Variants in SCN8A observed in about 807,000 individuals in gnomAD.
The protein encoded by SCN8A is sodium voltage-gated channel alpha subunit 8, also known as sodium channel protein type 8 subunit alpha.
SCN8A carries 30 observed loss-of-function variants against 184.1 expected under a neutral mutation model. That is an observed-to-expected ratio of 0.16 (90% CI 0.12 to 0.22). The LOEUF is 0.22. SCN8A is among the 10% of genes least tolerant of loss of function. The pLI is 1.00. For missense variants in SCN8A, 1,057 were observed against 2,498.9 expected (o/e 0.42, Z 12.30); for synonymous variants, 852 against 907.0 (o/e 0.94, Z 1.09).
intron 2 of SCN8A, among the ~76,000 whole-genome samples, chr12:51,676,965 A>G (rs962893774): frequency 6.6e-6 from 1 of 152,186 alleles, no homozygotes; most frequent in African/African-American, 2.4e-5. Flanking sequence ...TATTTCTCGA[A>G]GAAGCTTTCT....
At chr12:51,610,592 T>C (rs1419479174) in intron 1 of SCN8A, among the ~76,000 whole-genome samples, 1 of 152,192 alleles carries the variant, frequency 6.6e-6, no homozygotes, top group African/African-American at 2.4e-5. Context: ...GGCTTGGTAG[T>C]GGCAAATTCT....
chr12:51,722,253 C>T (rs1027725479), intron 12 of SCN8A: 1 of 377,918 alleles, frequency 2.6e-6, no homozygotes, highest in Non-Finnish European at 4.8e-6. Flanking sequence ...CCATCTTTAT[C>T]TTTGCTAGTC....
At chr12:51,697,022 G>C (rs1941604603) in intron 6 of SCN8A, among the ~76,000 whole-genome samples, 1 of 130,350 alleles carries the variant, frequency 7.7e-6, no homozygotes, top group African/African-American at 2.9e-5. Flanking sequence ...CTGGACGACA[G>C]AGCGAGAATC....
chr12:51,798,659 A>G (rs561812345), intron 26 of SCN8A, among the ~76,000 whole-genome samples: 23 of 152,302 alleles, frequency 1.5e-4, no homozygotes, highest in African/African-American at 5.5e-4. Context: ...CCATTGGGCA[A>G]TGACAGGGGT....
At chr12:51,802,521 C>T (rs377387795) in intron 26 of SCN8A, among the ~76,000 whole-genome samples, 21 of 152,282 alleles carry the variant, frequency 1.4e-4, no homozygotes, top group African/African-American at 4.3e-4. Context: ...CAGCCACTTG[C>T]GTGGTAAGAA....
intron 2 of SCN8A, among the ~76,000 whole-genome samples, chr12:51,666,428 T>G (rs1323875848): frequency 6.6e-6 from 1 of 152,228 alleles, no homozygotes; most frequent in Non-Finnish European, 1.5e-5. Context: ...TCTTGCTAAC[T>G]AGGCCTTGTA....
intron 6 of SCN8A, among the ~76,000 whole-genome samples, chr12:51,692,256 C>G (rs1941522917): frequency 6.6e-6 from 1 of 152,130 alleles, no homozygotes; most frequent in Non-Finnish European, 1.5e-5. Flanking sequence ...AGAGCTTTTC[C>G]TTTCCTAGAG....
At chr12:51,648,723 G>C (rs1446310862) in intron 1 of SCN8A, among the ~76,000 whole-genome samples, 2 of 152,096 alleles carry the variant, frequency 1.3e-5, no homozygotes, top group Non-Finnish European at 2.9e-5. Context: ...CTCCCACCAG[G>C]TCCCTCCCAC....
chr12:51,788,709 C>A lies in SCN8A; in HGVS notation c.4242C>A (p.Gly1414=). The change falls in exon 23 of 27, where the codon GGC becomes GGA. Residue 1414 remains glycine, a synonymous_variant. Coordinates refer to ENST00000627620, the MANE Select transcript of SCN8A (RefSeq NM_001330260.2). ...CTGTTTGCCAGGCAACCTTCAAAGG[C>A]TGGATGGACATCATGTATGCAGCTG... is the stretch of plus-strand genomic sequence containing the variant. ...LALLQVATFK[G]WMDIMYAAVD... 1 of 1,608,142 alleles carries A rather than the reference C, an allele frequency of 6.2e-7. No individual in the cohort carries two copies. Among genetic ancestry groups the A allele is most frequent in the South Asian group, 1.1e-5 (1 of 89,862 alleles).
At chr12:51,804,352 A>T (rs1409454904) in intron 26 of SCN8A, among the ~76,000 whole-genome samples, 1 of 150,200 alleles carries the variant, frequency 6.7e-6, no homozygotes, top group African/African-American at 2.5e-5. Flanking sequence ...TTAAAGACAG[A>T]GTCTCTGCCT....
rs1020548681 is a variant in SCN8A, at chr12:51,620,860, G to A, written c.-55+29501G>A. ...AAAAAAATTAGGTGTGGTAGCACAC[G>A]CCTGTGGTCCCAGCTACTCGGGAGG... is the stretch of plus-strand genomic sequence containing the variant. On this transcript the variant is annotated intron_variant, in intron 1 of 26. Transcript: ENST00000627620. Among the ~76,000 whole-genome samples the A allele has an allele frequency of 6.6e-5, 10 of 151,896 alleles. No homozygotes were observed. The South Asian group carries it at 1.7e-3, about 25-fold the overall frequency.
At chr12:51,800,997 G>A (rs1266315510) in intron 26 of SCN8A, among the ~76,000 whole-genome samples, 2 of 152,160 alleles carry the variant, frequency 1.3e-5, no homozygotes, top group Admixed American at 6.5e-5. Context: ...GAGGGGGCAT[G>A]ATTCTCTATT....
chr12:51,789,492 A>G, intron 24 of SCN8A, 74 bp downstream of exon 24: 1 of 1,458,848 alleles, frequency 6.9e-7, no homozygotes, highest in Non-Finnish European at 9.4e-7. Context: ...CTATCTCTAG[A>G]AAGAAAATGT....
chr12:51,639,565 C>A (rs1319484324), intron 1 of SCN8A, among the ~76,000 whole-genome samples: 1 of 151,728 alleles, frequency 6.6e-6, no homozygotes, highest in African/African-American at 2.4e-5. Context: ...TGGCTGCGCG[C>A]CACAGCGTGA....
At chr12:51,611,811 A>G (rs572544644) in intron 1 of SCN8A, among the ~76,000 whole-genome samples, 2 of 152,170 alleles carry the variant, frequency 1.3e-5, no homozygotes, top group African/African-American at 4.8e-5. Context: ...AAATTTTTCT[A>G]TTTTAGATTT....
At chr12:51,727,762 A>G (rs912115548) in intron 12 of SCN8A, among the ~76,000 whole-genome samples, 2 of 152,174 alleles carry the variant, frequency 1.3e-5, no homozygotes, top group African/African-American at 4.8e-5. Context: ...CAGGAGTTTG[A>G]GACCAACCTG....
At chr12:51,757,344 A>G (rs1242609000) in intron 14 of SCN8A, among the ~76,000 whole-genome samples, 3 of 151,928 alleles carry the variant, frequency 2.0e-5, no homozygotes, top group Non-Finnish European at 1.5e-5. Flanking sequence ...TGCAGTACAC[A>G]TAGAACTTTT....
chr12:51,713,471 T>C, intron 11 of SCN8A: 1 of 771,688 alleles, frequency 1.3e-6, no homozygotes. Context: ...TCATCTGTAG[T>C]TTCAAAGTTC....
intron 1 of SCN8A, among the ~76,000 whole-genome samples, chr12:51,621,369 G>A (rs1041877977): frequency 2.0e-5 from 3 of 152,152 alleles, no homozygotes; most frequent in Non-Finnish European, 2.9e-5. Context: ...GTCAATGTAC[G>A]TCTTTCCCAC....
Sources: allele counts gnomAD v4.1 joint callset (sites outside exome capture counted in the v4.1 genomes callset), GRCh38; gene constraint gnomAD v4.1.1; transcripts MANE v1.5; gene names NCBI Gene and HGNC (gene_info 2026-07-23, HGNC 2026-07-21).